Variants in CARS1 observed in about 807,000 individuals in gnomAD.
The protein encoded by CARS1 is cysteinyl-tRNA synthetase 1.
CARS1 carries 48 observed loss-of-function variants against 106.2 expected under a neutral mutation model. The observed-to-expected ratio is 0.45, with a 90% CI of 0.36 to 0.57. The LOEUF is 0.57. Ranked by LOEUF, CARS1 falls within the 20% of genes least tolerant of loss-of-function variation. CARS1 has a pLI of 0.00. For synonymous variants in CARS1, 409 were observed against 403.4 expected (o/e 1.01, Z -0.17); for missense variants, 968 against 1,057.2 (o/e 0.92, Z 1.17).
At chr11:3,018,375 C>A in intron 14 of CARS1, 33 bp downstream of exon 14, 1 of 1,461,234 alleles carries the variant, frequency 6.8e-7, no homozygotes, top group South Asian at 1.2e-5. Context: ...GGAGGCTGCT[C>A]CACCAACCTC....
In CARS1 at chr11:3,004,763, T is replaced by A. The variant is rs1849693780; in HGVS notation, c.2217+603A>T. Among the ~76,000 whole-genome samples the A allele has an allele frequency of 1.3e-5, 2 of 152,098 alleles. No individual in the cohort carries two copies. The highest frequency in any genetic ancestry group is 4.8e-5 in the African/African-American group (2 of 41,414). Reference sequence around the variant, plus strand: ...GCTGGGAATAGGAGGTGGAGATGCATCAGTGACACGCGCCACTCAGGTGAG... The same window carrying A: ...GCTGGGAATAGGAGGTGGAGATGCAACAGTGACACGCGCCACTCAGGTGAG... On this transcript the variant is annotated intron_variant, in intron 20 of 22. Coordinates refer to ENST00000380525, the MANE Select transcript of CARS1 (RefSeq NM_001014437.3). The surrounding 1 kb of genome is among the most constrained non-coding windows in gnomAD (Gnocchi z 5.2).
In CARS1 at chr11:3,003,535, A is replaced by G. The variant is rs1036131925; in HGVS notation, c.2218-935T>C. Among the ~76,000 whole-genome samples the G allele has an allele frequency of 1.8e-4, 27 of 152,166 alleles. No individual in the cohort carries two copies. The highest frequency in any genetic ancestry group is 1.6e-3 in the Admixed American group (24 of 15,286). The stretch of plus-strand genomic sequence containing the variant: ...TGGTGGAGAAGCCGCAGGACCAGAT[A>G]AGGTCTCCTGGGGAGGCGCCACACA... On this transcript the variant is annotated intron_variant, in intron 20 of 22. Transcript: ENST00000380525. The surrounding 1 kb of genome is among the most constrained non-coding windows in gnomAD (Gnocchi z 4.8).
chr11:3,042,426 G>A lies in CARS1; in HGVS notation c.275-170C>T. 3 of 567,660 alleles carry A rather than the reference G, an allele frequency of 5.3e-6. No individual in the cohort carries two copies. In the South Asian group the frequency reaches 6.6e-5, roughly 12 times the overall value. 35.2% of individuals were successfully genotyped at this position (567,660 alleles called of 1,614,324 possible). A position where few individuals can be genotyped will look rare whatever the true frequency, so the allele number is the denominator to read the frequency against. On this transcript the variant is annotated intron_variant, in intron 2 of 22. Coordinates refer to ENST00000380525, the MANE Select transcript of CARS1 (RefSeq NM_001014437.3). ...AACATTACGCAGGTCAAAGACAACT[G>A]CGTCTTTTTTTTTTTTTAGACGGAG...
rs1417158088 is a variant in CARS1, at chr11:3,008,042, C to G, written c.2069-1083G>C. On this transcript the variant is annotated intron_variant, in intron 18 of 22. Transcript: ENST00000380525. The surrounding 1 kb of genome is among the most constrained non-coding windows in gnomAD (Gnocchi z 5.1). ...GCTCTCCAAGTGACAACTTTCTGCT[C>G]TGAAATCTGACCTTGGGTTTGCTGG... 6.6e-6 allele frequency: 1 copy of G among 152,322 alleles called. No homozygotes were observed. The highest frequency in any genetic ancestry group is 1.5e-5 in the Non-Finnish European group (1 of 68,100). 9.4% of individuals were successfully genotyped at this position (152,322 alleles called of 1,614,324 possible).
chr11:3,004,276 T>A lies in CARS1; in HGVS notation c.2217+1090A>T, dbSNP rs1314851464. Among the ~76,000 whole-genome samples, 4 of 152,190 alleles carry A rather than the reference T, an allele frequency of 2.6e-5. No homozygotes were observed. Among genetic ancestry groups the A allele is most frequent in the African/African-American group, 9.7e-5 (4 of 41,444 alleles). On this transcript the variant is annotated intron_variant, in intron 20 of 22. Transcript: ENST00000380525. The surrounding 1 kb of genome is among the most constrained non-coding windows in gnomAD (Gnocchi z 5.2). ...TTTCCCCAGAGTTCCAGTTCGTTAT[T>A]CCTCCAAAGCACTGCAAACTCCAGC...
Position 3,046,724 on chromosome 11 carries a change from C to A in CARS1, c.274+1029G>T, listed in dbSNP as rs371351905. Among the ~76,000 whole-genome samples the A allele has an allele frequency of 7.2e-5, 11 of 152,284 alleles. No homozygotes were observed. Among genetic ancestry groups the A allele is most frequent in the Admixed American group, 1.3e-4 (2 of 15,294 alleles). On this transcript the variant is annotated intron_variant, in intron 2 of 22. Transcript: ENST00000380525. The surrounding 1 kb of genome is among the most constrained non-coding windows in gnomAD (Gnocchi z 5.8). ...CAGCCAGGACCACCAGAAAACAGCA[C>A]TAAACCTGCCCCCACATGAAGGTGG...
chr11:3,055,545 G>A (rs188270107), intron 1 of CARS1, among the ~76,000 whole-genome samples: 1 of 152,376 alleles, frequency 6.6e-6, no homozygotes, highest in African/African-American at 2.4e-5. Context: ...GAAGAACACT[G>A]GCTGGAGATG....
At position 3,029,090 on chromosome 11, in the gene CARS1, C is replaced by A. The variant is rs763063781; in HGVS notation, c.943-6G>T. The A allele has an allele frequency of 1.2e-6, 2 of 1,603,668 alleles. No homozygotes were observed. The highest frequency in any genetic ancestry group is 2.2e-5 in the South Asian group (2 of 90,852). On this transcript the variant is annotated splice_polypyrimidine_tract_variant and splice_region_variant and intron_variant, in intron 8 of 22. Coordinates refer to ENST00000380525, the MANE Select transcript of CARS1 (RefSeq NM_001014437.3). The surrounding 1 kb of genome is among the most constrained non-coding windows in gnomAD (Gnocchi z 5.9). The stretch of plus-strand genomic sequence containing the variant: ...AAGACATCTGGAGGGAGAACCTGTG[C>A]AAGACATGAGAATGTCCTGGGATTT...
Position 3,020,476 on chromosome 11 carries a change from G to C in CARS1, c.1154-144C>G, listed in dbSNP as rs1565049293. ...TAACTTGGCTCAAGCATTTCTTCAA[G>C]TTAACTATGTATTACCAGATTCTGG... is the stretch of plus-strand genomic sequence containing the variant. On this transcript the variant is annotated intron_variant, in intron 10 of 22. Coordinates refer to ENST00000380525, the MANE Select transcript of CARS1 (RefSeq NM_001014437.3). The surrounding 1 kb of genome is among the most constrained non-coding windows in gnomAD (Gnocchi z 4.6). The C allele has an allele frequency of 1.6e-6, 1 of 628,290 alleles. No individual in the cohort carries two copies. The highest frequency in any genetic ancestry group is 2.7e-5 in the East Asian group (1 of 36,460). The allele number at this position is 628,290 out of a possible 1,614,324, so 38.9% of individuals were successfully genotyped here.
Position 3,039,369 on chromosome 11 carries a change from C to T in CARS1, c.553-77G>A, listed in dbSNP as rs908756340. 41 of 895,064 alleles carry T rather than the reference C, an allele frequency of 4.6e-5. 1 individual carries two copies. In the Admixed American group the frequency reaches 7.1e-4, roughly 15 times the overall value. 55.4% of individuals were successfully genotyped at this position (895,064 alleles called of 1,614,324 possible). A position where few individuals can be genotyped will look rare whatever the true frequency, so the allele number is the denominator to read the frequency against. ...CCCTCTGCAGCAGGCCACTCTCTCC[C>T]TTGGCCAACTCTAAGTGAGGGTGAG... On this transcript the variant is annotated intron_variant, in intron 5 of 22. Coordinates refer to ENST00000380525, the MANE Select transcript of CARS1 (RefSeq NM_001014437.3). The surrounding 1 kb of genome is among the most constrained non-coding windows in gnomAD (Gnocchi z 5.6).
intron 16 of CARS1, among the ~76,000 whole-genome samples, 173 bp downstream of exon 16, chr11:3,016,933 G>A (rs180851828): frequency 3.9e-5 from 6 of 152,272 alleles, no homozygotes; most frequent in South Asian, 2.1e-4. Flanking sequence ...TTTCTAACGC[G>A]TGAAAAGCAC....
rs113697846 is a variant in CARS1 at position 3,046,300 on chromosome 11, G to A, written c.274+1453C>T. On this transcript the variant is annotated intron_variant, in intron 2 of 22. Transcript: ENST00000380525. The surrounding 1 kb of genome is among the most constrained non-coding windows in gnomAD (Gnocchi z 5.8). ...TGGACAGGCCACTGCTGAGCTGGAC[G>A]TACCAGGCCCGCTTCACCCTCCCTA... Among the ~76,000 whole-genome samples, 460 of 152,278 alleles carry A rather than the reference G, an allele frequency of 3.0e-3. 3 individuals carry two copies. The highest frequency in any genetic ancestry group is 1.0e-2 in the African/African-American group (415 of 41,536).
chr11:3,042,375 A>G (rs887947730), intron 2 of CARS1, 119 bp from the exon 3 acceptor site: 5 of 664,328 alleles, frequency 7.5e-6, no homozygotes, highest in Non-Finnish European at 1.0e-5. Flanking sequence ...AAATTTAAAC[A>G]ATGTGAAACC....
chr11:3,046,244 G>A lies in CARS1; in HGVS notation c.274+1509C>T, dbSNP rs1412903149. ...GTGGATGGAGGCTTGCGTCTGTGCC[G>A]CTCTTTCAACAAGTCCCTATGAGGG... On this transcript the variant is annotated intron_variant, in intron 2 of 22. Coordinates refer to ENST00000380525, the MANE Select transcript of CARS1 (RefSeq NM_001014437.3). This position sits in a 1 kb window ranked among gnomAD's most constrained non-coding sequence, Gnocchi z 5.8. Among the ~76,000 whole-genome samples the A allele has an allele frequency of 6.6e-6, 1 of 151,250 alleles. No homozygotes were observed. The highest frequency in any genetic ancestry group is 1.5e-5 in the Non-Finnish European group (1 of 67,710).
intron 19 of CARS1, among the ~76,000 whole-genome samples, 190 bp from the exon 20 acceptor site, chr11:3,005,623 T>C (rs1849784290): frequency 7.2e-6 from 1 of 138,668 alleles, no homozygotes; most frequent in Non-Finnish European, 1.5e-5. Context: ...TTGGTTTGTG[T>C]GTGTGTGATT....
Position 3,019,761 on chromosome 11 carries a change from T to C in CARS1, c.1266+459A>G, listed in dbSNP as rs1851399356. On this transcript the variant is annotated intron_variant, in intron 11 of 22. Transcript: ENST00000380525. This position sits in a 1 kb window ranked among gnomAD's most constrained non-coding sequence, Gnocchi z 6.2. ...TTCTTTGGTGAAGTTCATAAACCGG[T>C]CCTATGTGGGCCGAGGTTTAGGTGA... Among the ~76,000 whole-genome samples, 2 of 150,910 alleles carry C rather than the reference T, an allele frequency of 1.3e-5. No individual in the cohort carries two copies. Among genetic ancestry groups the C allele is most frequent in the African/African-American group, 4.9e-5 (2 of 41,034 alleles).
rs2134295231 is a variant in CARS1, at chr11:3,048,121, G to T, written c.26-120C>A. On this transcript the variant is annotated intron_variant, in intron 1 of 22. Coordinates refer to ENST00000380525, the MANE Select transcript of CARS1 (RefSeq NM_001014437.3). The surrounding 1 kb of genome is among the most constrained non-coding windows in gnomAD (Gnocchi z 5.1). ...GAAAAAGGTGTTCAAGCCCTTCCCTGGACGCCAAACATCCAGAACAGGCAA... is the reference window on the plus strand; with the variant it reads ...GAAAAAGGTGTTCAAGCCCTTCCCTTGACGCCAAACATCCAGAACAGGCAA... 2 of 1,256,502 alleles carry T rather than the reference G, an allele frequency of 1.6e-6. No homozygotes were observed. The highest frequency in any genetic ancestry group is 2.2e-6 in the Non-Finnish European group (2 of 922,332). 77.8% of individuals were successfully genotyped at this position (1,256,502 alleles called of 1,614,324 possible).
intron 16 of CARS1, among the ~76,000 whole-genome samples, chr11:3,016,561 A>C (rs1386654897): frequency 6.6e-6 from 1 of 152,118 alleles, no homozygotes; most frequent in Non-Finnish European, 1.5e-5. Flanking sequence ...GAGTAGAGGG[A>C]AACGGAGTCA....
At chr11:3,013,964 C>T (rs897399718) in intron 17 of CARS1, among the ~76,000 whole-genome samples, 1 of 152,124 alleles carries the variant, frequency 6.6e-6, no homozygotes, top group African/African-American at 2.4e-5. Flanking sequence ...AACAGAAACA[C>T]ACAAATTTAG....
Sources: gnomAD v4.1 joint callset for allele counts (sites outside exome capture counted in the v4.1 genomes callset) on GRCh38, gnomAD v4.1.1 for gene constraint, Gnocchi (gnomAD v3.1) non-coding constraint, MANE v1.5 for transcripts, NCBI Gene and HGNC (gene_info 2026-07-23, HGNC 2026-07-21) for gene names.